OTOGL: variants seen among roughly 807,000 people sequenced by gnomAD.
The protein encoded by OTOGL is otogelin like.
OTOGL carries 285 observed loss-of-function variants against 318.5 expected under a neutral mutation model. That is an observed-to-expected ratio of 0.89 (90% CI 0.81 to 0.99). OTOGL has a LOEUF of 0.99. Ranked by LOEUF, OTOGL falls within the 50% of genes least tolerant of loss-of-function variation. The pLI, the probability that OTOGL is intolerant of heterozygous loss-of-function variation, is 0.00. For missense variants in OTOGL, 2,899 were observed against 2,845.6 expected, an observed-to-expected ratio of 1.02 and a Z score of -0.43; for synonymous variants, 987 against 936.5, an observed-to-expected ratio of 1.05 and a Z score of -0.99.
intron 1 of OTOGL, among the ~76,000 whole-genome samples, chr12:80,108,529 T>C (rs1307472448): frequency 6.6e-6 from 1 of 151,630 alleles, no homozygotes; most frequent in Non-Finnish European, 1.5e-5. Flanking sequence ...TTTTTCTCTT[T>C]GCAATTTATG....
chr12:80,106,842 A>G (rs1869483327), intron 1 of OTOGL, among the ~76,000 whole-genome samples: 1 of 152,180 alleles, frequency 6.6e-6, no homozygotes, highest in Middle Eastern at 3.4e-3. Context: ...ATGCATGACA[A>G]TATTTATTAG....
At chr12:80,317,105 G>A (rs1686402618) in intron 32 of OTOGL, among the ~76,000 whole-genome samples, 1 of 152,154 alleles carries the variant, frequency 6.6e-6, no homozygotes, top group Non-Finnish European at 1.5e-5. Flanking sequence ...TACTAAAAAT[G>A]TAAAGCTTGC....
chr12:80,355,632 C>T, intron 46 of OTOGL, 104 bp from the exon 47 acceptor site: 1 of 817,260 alleles, frequency 1.2e-6, no homozygotes, highest in Non-Finnish European at 1.9e-6. Context: ...TGTGACACAT[C>T]ATTATGTCAC....
intron 1 of OTOGL, among the ~76,000 whole-genome samples, chr12:80,198,344 T>TG (rs963091053): frequency 1.3e-5 from 2 of 152,160 alleles, no homozygotes; most frequent in Non-Finnish European, 2.9e-5. Context: ...TCCCAGCATT[T>TG]GGGGGGCCGA....
At chr12:80,163,971 A>T (rs1427483653) in intron 1 of OTOGL, among the ~76,000 whole-genome samples, 1 of 152,158 alleles carries the variant, frequency 6.6e-6, no homozygotes, top group African/African-American at 2.4e-5. Flanking sequence ...GCTATGAAGA[A>T]TTGAGGCCAA....
intron 29 of OTOGL, among the ~76,000 whole-genome samples, chr12:80,309,325 G>T (rs564590191): frequency 2.0e-5 from 3 of 152,210 alleles, no homozygotes; most frequent in South Asian, 2.1e-4. Context: ...GGATTGTGAT[G>T]GTCCAAGAAA....
intron 5 of OTOGL, among the ~76,000 whole-genome samples, chr12:80,218,777 T>C (rs534531904): frequency 1.3e-5 from 2 of 150,032 alleles, no homozygotes; most frequent in Non-Finnish European, 3.0e-5. Flanking sequence ...ATAGATTTCT[T>C]TTTTTTTCTT....
chr12:80,334,153 T>A (rs1888251978), intron 38 of OTOGL, among the ~76,000 whole-genome samples: 1 of 152,072 alleles, frequency 6.6e-6, no homozygotes, highest in South Asian at 2.1e-4. Flanking sequence ...CCAGAGATGA[T>A]GATCTATCAC....
At chr12:80,228,349 C>A (rs749982437) in intron 7 of OTOGL, among the ~76,000 whole-genome samples, 6 of 151,630 alleles carry the variant, frequency 4.0e-5, no homozygotes, top group Admixed American at 1.3e-4. Flanking sequence ...GGCTGAGGCA[C>A]GAGAATCACT....
chr12:80,201,277 T>C (rs1045934250), intron 1 of OTOGL, among the ~76,000 whole-genome samples: 1 of 152,190 alleles, frequency 6.6e-6, no homozygotes, highest in African/African-American at 2.4e-5. Context: ...AAGAGGCTTA[T>C]TTCGCTCTTG....
rs1037322300 is a variant in OTOGL, at chr12:80,355,745, A to G, written c.5603A>G (p.Asp1868Gly). 3.7e-6 allele frequency: 6 copies of G among 1,612,678 alleles called. No homozygotes were observed. In the Admixed American group the frequency reaches 6.7e-5, roughly 18 times the overall value. ...CIPEKECACTDSEDQPRTAGE... is the reference protein window; with the variant it reads ...CIPEKECACTGSEDQPRTAGE... ...TGTTGATCTTTTTAAGCATGCACTGATAGTGAAGACCAACCCCGCACTGCT... is the reference window on the plus strand; with the variant it reads ...TGTTGATCTTTTTAAGCATGCACTGGTAGTGAAGACCAACCCCGCACTGCT... The change falls in exon 47 of 59, where the codon GAT becomes GGT. Residue 1868 changes from aspartate to glycine, a missense_variant. Asp to Gly is a moderately conservative substitution (Grantham distance 94). Coordinates refer to ENST00000547103, the MANE Select transcript of OTOGL (RefSeq NM_001378609.3).
At position 80,318,697 on chromosome 12, in the gene OTOGL, C is replaced by G. The variant is rs199807709; in HGVS notation, c.3786C>G (p.Phe1262Leu). ...FFYFMITPGLFKEKVSSLALV... is the reference protein window; with the variant it reads ...FFYFMITPGLLKEKVSSLALV... ...ATTTTATGATCACTCCAGGCCTTTT[C>G]AAAGAGAAGGTATCATGTAAGTATA... The change falls in exon 33 of 59, where the codon TTC (phenylalanine) becomes TTG (leucine). Residue 1262 changes from phenylalanine to leucine, a missense_variant. Transcript: ENST00000547103. 149 of 1,305,050 alleles carry G rather than the reference C, an allele frequency of 1.1e-4. No homozygotes were observed. In the African/African-American group the frequency reaches 2.0e-3, roughly 17 times the overall value. 80.8% of individuals were successfully genotyped at this position (1,305,050 alleles called of 1,614,324 possible).
chr12:80,328,843 TC>T lies in OTOGL; in HGVS notation c.4279+100del, dbSNP rs1410163856. Reference sequence around the variant, plus strand: ...GTAAACAGAAGTTTTAAACAGACAATCAACTCTCATAAGATTATTCTTCAAT... The same window carrying T: ...GTAAACAGAAGTTTTAAACAGACAATAACTCTCATAAGATTATTCTTCAAT... On this transcript the variant is annotated intron_variant, in intron 36 of 58. Transcript: ENST00000547103. 4.3e-6 allele frequency: 5 copies of T among 1,174,250 alleles called. No homozygotes were observed. The African/African-American group carries it at 7.7e-5, about 18-fold the overall frequency. 72.7% of individuals were successfully genotyped at this position (1,174,250 alleles called of 1,614,324 possible). A position where few individuals can be genotyped will look rare whatever the true frequency, so the allele number is the denominator to read the frequency against.
chr12:80,239,456 G>A lies in OTOGL; in HGVS notation c.1052+17G>A. ...TCTTTGCAAGTAAGTGAAATGACTT[G>A]TAGTTGTAATAAAATTTTCTTTATG... On this transcript the variant is annotated intron_variant, in intron 11 of 58. Coordinates refer to ENST00000547103, the MANE Select transcript of OTOGL (RefSeq NM_001378609.3). The A allele has an allele frequency of 1.3e-6, 2 of 1,501,012 alleles. No individual in the cohort carries two copies. Among genetic ancestry groups the A allele is most frequent in the South Asian group, 2.6e-5 (2 of 77,920 alleles). 93.0% of individuals were successfully genotyped at this position (1,501,012 alleles called of 1,614,324 possible). A position where few individuals can be genotyped will look rare whatever the true frequency, so the allele number is the denominator to read the frequency against.
chr12:80,157,935 C>G (rs1222179985), intron 1 of OTOGL, among the ~76,000 whole-genome samples: 2 of 151,980 alleles, frequency 1.3e-5, no homozygotes, highest in African/African-American at 4.8e-5. Flanking sequence ...TTTCTACTTT[C>G]CTGGTGGGTT....
intron 1 of OTOGL, among the ~76,000 whole-genome samples, chr12:80,130,406 T>C (rs1871167073): frequency 6.6e-6 from 1 of 152,228 alleles, no homozygotes; most frequent in Non-Finnish European, 1.5e-5. Flanking sequence ...AACTATGCTT[T>C]CAATGACAAC....
intron 29 of OTOGL, among the ~76,000 whole-genome samples, chr12:80,306,329 A>C (rs1886102324): frequency 6.6e-6 from 1 of 152,244 alleles, no homozygotes; most frequent in South Asian, 2.1e-4. Context: ...ATTCTCAAGG[A>C]AGTAGTGTTA....
At chr12:80,127,526 G>T (rs1389202608) in intron 1 of OTOGL, among the ~76,000 whole-genome samples, 2 of 152,156 alleles carry the variant, frequency 1.3e-5, no homozygotes, top group African/African-American at 2.4e-5. Context: ...TCTTGGAGTT[G>T]CTCTTCTCGA....
At chr12:80,246,331 C>A (rs867209922) in intron 11 of OTOGL, among the ~76,000 whole-genome samples, 1 of 145,610 alleles carries the variant, frequency 6.9e-6, no homozygotes, top group African/African-American at 2.7e-5. Flanking sequence ...TTTTGAAATA[C>A]GTCCCATCAA....
Sources: gnomAD v4.1 joint callset for allele counts (sites outside exome capture counted in the v4.1 genomes callset) on GRCh38, gnomAD v4.1.1 for gene constraint, MANE v1.5 for transcripts, NCBI Gene and HGNC (gene_info 2026-07-23, HGNC 2026-07-21) for gene names.